The following ABCD2 variants were observed in gnomAD, a reference collection of about 807,000 sequenced individuals.
ABCD2 encodes ATP-binding cassette sub-family D member 2.
Under a neutral mutation model 70.9 loss-of-function variants are expected in ABCD2, and 36 were observed. The observed-to-expected ratio is 0.51, with a 90% CI of 0.39 to 0.67. ABCD2 has a LOEUF of 0.67. Ranked by LOEUF, ABCD2 falls within the 30% of genes least tolerant of loss-of-function variation. The probability of loss-of-function intolerance (pLI) is 0.00; values close to 1 mark genes in which losing one functional copy is unlikely to be tolerated. For synonymous variants in ABCD2, 304 were observed against 306.9 expected, an observed-to-expected ratio of 0.99 and a Z score of 0.10; for missense variants, 729 against 890.2, an observed-to-expected ratio of 0.82 and a Z score of 2.30.
intron 5 of ABCD2, among the ~76,000 whole-genome samples, chr12:39,602,265 G>A (rs947489945): frequency 1.3e-5 from 2 of 151,706 alleles, no homozygotes; most frequent in African/African-American, 4.8e-5. Context: ...CGATTCTTGT[G>A]CCTCAGACTC....
At position 39,578,089 on chromosome 12, in the gene ABCD2, C is replaced by G. The variant is rs536655888; in HGVS notation, c.1877+1446G>C. Among the ~76,000 whole-genome samples, 98 of 152,342 alleles carry G rather than the reference C, an allele frequency of 6.4e-4. 1 individual carries two copies. The highest frequency in any genetic ancestry group is 2.1e-3 in the African/African-American group (89 of 41,578). ...CTATAAAATGTTACTACTTTCACAA[C>G]AACTCACACAAGAGTGCTGCATCTG... On this transcript the variant is annotated intron_variant, in intron 8 of 9. Transcript: ENST00000308666.
chr12:39,601,160 A>G (rs1941891937), intron 5 of ABCD2, among the ~76,000 whole-genome samples: 1 of 152,232 alleles, frequency 6.6e-6, no homozygotes, highest in East Asian at 1.9e-4. Flanking sequence ...TTATCCAAGG[A>G]GTCAGCTGGG....
chr12:39,598,967 A>T (rs1941858473), intron 6 of ABCD2, among the ~76,000 whole-genome samples: 1 of 152,236 alleles, frequency 6.6e-6, no homozygotes, highest in Non-Finnish European at 1.5e-5. Flanking sequence ...TCTAAAAGCC[A>T]TATAATCAAG....
intron 9 of ABCD2, among the ~76,000 whole-genome samples, chr12:39,569,499 A>T (rs1374983633): frequency 1.3e-5 from 2 of 152,124 alleles, no homozygotes; most frequent in African/African-American, 4.8e-5. Flanking sequence ...GGTGGGAGTG[A>T]CCCGATTTTC....
At chr12:39,605,027 AG>A (rs1267148951) in intron 3 of ABCD2, 97 bp from the exon 4 acceptor site, 1 of 1,009,070 alleles carries the variant, frequency 9.9e-7, no homozygotes, top group Non-Finnish European at 1.4e-6. Context: ...TTAATGTAAA[AG>A]ATTATATTGC....
At chr12:39,538,457 G>A in the ABCD2 span, among the ~76,000 whole-genome samples, 1 of 152,134 alleles carries the variant, frequency 6.6e-6, no homozygotes, top group South Asian at 2.1e-4. Context: ...TTACAGGCAT[G>A]TGTACTTTCA....
chr12:39,542,239 G>A, the ABCD2 span, among the ~76,000 whole-genome samples: 51 of 152,208 alleles, frequency 3.4e-4, no homozygotes, highest in South Asian at 4.1e-3. Context: ...CAAGGCGGGC[G>A]GATCATGAGG....
chr12:39,568,862 G>T (rs193127587), intron 9 of ABCD2, among the ~76,000 whole-genome samples: 290 of 152,300 alleles, frequency 1.9e-3, no homozygotes, highest in Non-Finnish European at 3.0e-3. Flanking sequence ...ACCCTCAACT[G>T]CAGGTCTGTT....
intron 8 of ABCD2, among the ~76,000 whole-genome samples, chr12:39,577,621 A>T (rs1434972216): frequency 1.3e-5 from 2 of 152,204 alleles, no homozygotes; most frequent in African/African-American, 2.4e-5. Flanking sequence ...CAGTGTAAAA[A>T]GATATTTTTG....
intron 2 of ABCD2, 28 bp from the exon 3 acceptor site, chr12:39,607,742 TGA>T (rs1591996564): frequency 1.7e-5 from 23 of 1,363,124 alleles, no homozygotes; most frequent in East Asian, 4.7e-5. Flanking sequence ...TTACAAAACT[TGA>T]GTTTTTTTTT....
the ABCD2 span, among the ~76,000 whole-genome samples, chr12:39,532,436 T>G: frequency 6.6e-6 from 1 of 152,214 alleles, no homozygotes. Flanking sequence ...TTTGCCAGTT[T>G]GATAAACTTA....
intron 9 of ABCD2, among the ~76,000 whole-genome samples, chr12:39,564,631 T>G (rs1941314826): frequency 6.6e-6 from 1 of 152,234 alleles, no homozygotes; most frequent in South Asian, 2.1e-4. Flanking sequence ...CTCTTTAGTT[T>G]AATTAGATCC....
At chr12:39,535,117 C>G in the ABCD2 span, among the ~76,000 whole-genome samples, 1 of 151,960 alleles carries the variant, frequency 6.6e-6, no homozygotes, top group Non-Finnish European at 1.5e-5. Context: ...AACAATTTTT[C>G]TTTCTTAAAT....
At chr12:39,593,701 C>T (rs982437287) in intron 6 of ABCD2, among the ~76,000 whole-genome samples, 22 of 152,098 alleles carry the variant, frequency 1.4e-4, no homozygotes, top group African/African-American at 5.3e-4. Flanking sequence ...CTGTTGCAAG[C>T]GACAATCTCT....
At chr12:39,570,808 A>C (rs930953612) in intron 9 of ABCD2, among the ~76,000 whole-genome samples, 2 of 152,202 alleles carry the variant, frequency 1.3e-5, no homozygotes, top group African/African-American at 4.8e-5. Context: ...CAACAGAATG[A>C]AGAGATACCT....
At chr12:39,534,921 AAAG>A in the ABCD2 span, among the ~76,000 whole-genome samples, 2 of 105,664 alleles carry the variant, frequency 1.9e-5, no homozygotes, top group Admixed American at 8.5e-5. Flanking sequence ...AGAAAGAAAG[AAAG>A]AAAGAAAGAA....
chr12:39,531,777 G>T, the ABCD2 span, among the ~76,000 whole-genome samples: 1 of 152,192 alleles, frequency 6.6e-6, no homozygotes, highest in Admixed American at 6.5e-5. Context: ...TAGCATCATT[G>T]GAAGTCTGTA....
chr12:39,548,646 A>T (rs573456976), downstream of ABCD2, among the ~76,000 whole-genome samples: 1 of 151,974 alleles, frequency 6.6e-6, no homozygotes, highest in Non-Finnish European at 1.5e-5. Flanking sequence ...ATACATTTGT[A>T]GGTCCAATGC....
intron 2 of ABCD2, among the ~76,000 whole-genome samples, chr12:39,612,213 G>A (rs1942054672): frequency 6.6e-6 from 1 of 152,152 alleles, no homozygotes; most frequent in Non-Finnish European, 1.5e-5. Context: ...TAATCTAGCA[G>A]TTTTACTTCT....
Sources: gnomAD v4.1 joint callset for allele counts (sites outside exome capture counted in the v4.1 genomes callset) on GRCh38, gnomAD v4.1.1 for gene constraint, MANE v1.5 for transcripts, NCBI Gene and HGNC (gene_info 2026-07-23, HGNC 2026-07-21) for gene names.